The following CAND1 variants were observed in gnomAD, a reference collection of about 807,000 sequenced individuals.
CAND1 encodes the protein cullin-associated NEDD8-dissociated protein 1.
Under a neutral mutation model 108.5 loss-of-function variants are expected in CAND1, and 7 were observed. That is an observed-to-expected ratio of 0.06 (90% CI 0.04 to 0.12). The LOEUF (loss-of-function observed/expected upper bound fraction) is 0.12. Among genes scored for constraint, CAND1 ranks in the 10% least tolerant of loss-of-function variants. The pLI, the probability that CAND1 is intolerant of heterozygous loss-of-function variation, is 1.00. For missense variants in CAND1, 941 were observed against 1,448.7 expected (o/e 0.65, Z 5.69); for synonymous variants, 534 against 512.0 (o/e 1.04, Z -0.58).
Position 67,305,018 on chromosome 12 carries a change from AT to A in CAND1, c.1436-84del. The A allele has an allele frequency of 9.1e-7, 1 of 1,100,324 alleles. No individual in the cohort carries two copies. The highest frequency in any genetic ancestry group is 1.6e-5 in the South Asian group (1 of 62,346). 68.2% of individuals were successfully genotyped at this position (1,100,324 alleles called of 1,614,324 possible). A position where few individuals can be genotyped will look rare whatever the true frequency, so the allele number is the denominator to read the frequency against. On this transcript the variant is annotated intron_variant, in intron 9 of 14. Transcript: ENST00000545606. The surrounding 1 kb of genome is among the most constrained non-coding windows in gnomAD (Gnocchi z 4.4). ...AGAAATAATATAATGAAGTGGGAAC[AT>A]TAGCAGTACTATAGGGGTTGATTTT...
chr12:67,281,447 C>T (rs186995614), intron 1 of CAND1, among the ~76,000 whole-genome samples: 104 of 152,206 alleles, frequency 6.8e-4, no homozygotes, highest in Middle Eastern at 3.4e-3. Flanking sequence ...TGAAAGTGTT[C>T]TTAATGTTTG....
Position 67,319,599 on chromosome 12 carries a change from C to T in CAND1, c.*6769C>T, listed in dbSNP as rs928423421. ...ACGTTGGTGCAGATACTGCTATTCC[C>T]CTCCTCCATACCATTGCTGATGGTT... is the stretch of plus-strand genomic sequence containing the variant. On this transcript the variant is annotated 3_prime_UTR_variant, in exon 15 of 15. Coordinates refer to ENST00000545606, the MANE Select transcript of CAND1 (RefSeq NM_018448.5). 6.6e-6 allele frequency: 1 copy of T among 152,202 alleles called. No homozygotes were observed. Among genetic ancestry groups the T allele is most frequent in the Admixed American group, 6.5e-5 (1 of 15,274 alleles). The allele number at this position is 152,202 out of a possible 1,614,324, so 9.4% of individuals were successfully genotyped here.
intron 11 of CAND1, among the ~76,000 whole-genome samples, 156 bp from the exon 12 acceptor site, chr12:67,309,745 G>A (rs750312301): frequency 1.4e-4 from 21 of 151,940 alleles, no homozygotes; most frequent in Non-Finnish European, 2.5e-4. Flanking sequence ...AAACGTTATG[G>A]TTCACTTAGT....
At chr12:67,304,987 A>G in intron 9 of CAND1, 117 bp from the exon 10 acceptor site, 1 of 951,166 alleles carries the variant, frequency 1.1e-6, no homozygotes, top group South Asian at 1.8e-5. Flanking sequence ...GAAAATTTCT[A>G]CTTATAGAAA....
At position 67,305,434 on chromosome 12, in the gene CAND1, C is replaced by T; in HGVS notation, c.1766C>T (p.Ala589Val). The change falls in exon 10 of 15, where the codon GCT (alanine) becomes GTT (valine). Residue 589 changes from alanine to valine, a missense_variant. Ala to Val is a moderately conservative substitution (Grantham distance 64, BLOSUM62 0). Transcript: ENST00000545606. The surrounding 1 kb of genome is among the most constrained non-coding windows in gnomAD (Gnocchi z 4.4). The part of the protein sequence containing the change: ...ADIDQEVKER[A>V]ISCMGQIICN... ...ATTGATCAGGAAGTCAAGGAAAGGGCTATTTCCTGTATGGGACAAATTATT... is the reference window on the plus strand; with the variant it reads ...ATTGATCAGGAAGTCAAGGAAAGGGTTATTTCCTGTATGGGACAAATTATT... 3 of 1,613,678 alleles carry T rather than the reference C, an allele frequency of 1.9e-6. No homozygotes were observed. Among genetic ancestry groups the T allele is most frequent in the Non-Finnish European group, 2.5e-6 (3 of 1,179,974 alleles).
chr12:67,302,615 G>A lies in CAND1; in HGVS notation c.1293G>A (p.Gln431=). Residue 431 remains glutamine (Q), a splice_region_variant and synonymous_variant, in exon 8 of 15, where the codon CAG becomes CAA. Coordinates refer to ENST00000545606, the MANE Select transcript of CAND1 (RefSeq NM_018448.5). ...CACCTTTAACAATGCTTCAGAGTCA[G>A]GTGGGTTTTAAAGTAAAGTTTAGAA... ...GETPLTMLQS[Q]VPNIVKALHK... 1 of 1,603,094 alleles carries A rather than the reference G, an allele frequency of 6.2e-7. No individual in the cohort carries two copies. The highest frequency in any genetic ancestry group is 1.1e-5 in the South Asian group (1 of 90,654).
chr12:67,300,687 A>G (rs2044816311), intron 7 of CAND1, among the ~76,000 whole-genome samples: 1 of 152,134 alleles, frequency 6.6e-6, no homozygotes, highest in African/African-American at 2.4e-5. Context: ...TCTCCTACCT[A>G]TTAGAATATA....
intron 6 of CAND1, among the ~76,000 whole-genome samples, chr12:67,298,599 G>A (rs930439269): frequency 6.6e-5 from 10 of 152,110 alleles, no homozygotes; most frequent in African/African-American, 1.9e-4. Context: ...ATATGCACTG[G>A]CATTTCCACA....
chr12:67,302,383 C>T lies in CAND1; in HGVS notation c.1061C>T (p.Ala354Val), dbSNP rs747731996. The T allele has an allele frequency of 6.2e-7, 1 of 1,613,994 alleles. No individual in the cohort carries two copies. Among genetic ancestry groups the T allele is most frequent in the Admixed American group, 1.7e-5 (1 of 59,994 alleles). ...DMSWKVRRAA[A>V]KCLDAVVSTR... ...AGTTGGAAAGTGAGACGTGCAGCTGCGAAGTGCTTGGATGCTGTAGTTAGC... is the reference window on the plus strand; with the variant it reads ...AGTTGGAAAGTGAGACGTGCAGCTGTGAAGTGCTTGGATGCTGTAGTTAGC... Residue 354 changes from alanine (A) to valine (V), a missense_variant, in exon 8 of 15, where the codon GCG becomes GTG. By Grantham distance (64) the Ala-to-Val change is moderately conservative. Transcript: ENST00000545606.
At position 67,319,632 on chromosome 12, in the gene CAND1, G is replaced by GT. The variant is rs1219419837; in HGVS notation, c.*6803dup. On this transcript the variant is annotated 3_prime_UTR_variant, in exon 15 of 15. Coordinates refer to ENST00000545606, the MANE Select transcript of CAND1 (RefSeq NM_018448.5). ...ATACCATTGCTGATGGTTACTGAGG[G>GT]TATGGGAAGGGCCGACTAGTCCAGC... The GT allele has an allele frequency of 1.3e-5, 2 of 152,214 alleles. No individual in the cohort carries two copies. Among genetic ancestry groups the GT allele is most frequent in the Non-Finnish European group, 2.9e-5 (2 of 68,040 alleles). 9.4% of individuals were successfully genotyped at this position (152,214 alleles called of 1,614,324 possible).
intron 1 of CAND1, among the ~76,000 whole-genome samples, chr12:67,272,195 G>T (rs1267323702): frequency 6.6e-6 from 1 of 152,196 alleles, no homozygotes; most frequent in Non-Finnish European, 1.5e-5. Context: ...GACGAGAGAA[G>T]AAACAAATGC....
Position 67,314,914 on chromosome 12 carries a change from C to T in CAND1, c.*2084C>T, listed in dbSNP as rs1011677154. The T allele has an allele frequency of 6.6e-6, 1 of 152,194 alleles. No individual in the cohort carries two copies. The highest frequency in any genetic ancestry group is 1.5e-5 in the Non-Finnish European group (1 of 68,042). 9.4% of individuals were successfully genotyped at this position (152,194 alleles called of 1,614,324 possible). A position where few individuals can be genotyped will look rare whatever the true frequency, so the allele number is the denominator to read the frequency against. ...AGTGCTTAGAATTTCAATGCTGTGTCATACTGATGATTAACTCCATACTCC... is the reference window on the plus strand; with the variant it reads ...AGTGCTTAGAATTTCAATGCTGTGTTATACTGATGATTAACTCCATACTCC... On this transcript the variant is annotated 3_prime_UTR_variant, in exon 15 of 15. Coordinates refer to ENST00000545606, the MANE Select transcript of CAND1 (RefSeq NM_018448.5).
chr12:67,281,098 AT>A (rs1217782999), intron 1 of CAND1, among the ~76,000 whole-genome samples: 2 of 150,972 alleles, frequency 1.3e-5, no homozygotes, highest in East Asian at 3.9e-4. Flanking sequence ...ATTATTTTTT[AT>A]AAATTATTTC....
Position 67,304,783 on chromosome 12 carries a change from G to A in CAND1, c.1435+37G>A, listed in dbSNP as rs761439803. Reference sequence around the variant, plus strand: ...ACATAAATCTCTTTTGGGACTTATTGTAGCCTTTTTGTTAGGACTTAGATA... The same window carrying A: ...ACATAAATCTCTTTTGGGACTTATTATAGCCTTTTTGTTAGGACTTAGATA... On this transcript the variant is annotated intron_variant, in intron 9 of 14. Coordinates refer to ENST00000545606, the MANE Select transcript of CAND1 (RefSeq NM_018448.5). 4 of 1,601,144 alleles carry A rather than the reference G, an allele frequency of 2.5e-6. No homozygotes were observed. The African/African-American group carries it at 4.1e-5, about 16-fold the overall frequency.
chr12:67,295,777 G>A (rs1321144881), intron 4 of CAND1, among the ~76,000 whole-genome samples: 1 of 152,022 alleles, frequency 6.6e-6, no homozygotes, highest in Non-Finnish European at 1.5e-5. Flanking sequence ...CCTTCAGGTG[G>A]GTGTGTGGGT....
chr12:67,309,830 A>G lies in CAND1; in HGVS notation c.3026-71A>G, dbSNP rs896169315. 8.5e-6 allele frequency: 9 copies of G among 1,059,340 alleles called. No homozygotes were observed. The African/African-American group carries it at 1.1e-4, about 13-fold the overall frequency. 65.6% of individuals were successfully genotyped at this position (1,059,340 alleles called of 1,614,324 possible). A position where few individuals can be genotyped will look rare whatever the true frequency, so the allele number is the denominator to read the frequency against. On this transcript the variant is annotated intron_variant, in intron 11 of 14. Transcript: ENST00000545606. ...CAGCAAAAATAAATTATATCAACTT[A>G]GAGAAAATATAATGTATATTGTATT...
chr12:67,278,212 C>T (rs1162137015), intron 1 of CAND1, among the ~76,000 whole-genome samples: 4 of 152,198 alleles, frequency 2.6e-5, no homozygotes, highest in African/African-American at 7.2e-5. Flanking sequence ...TCTTGACTCA[C>T]TGCAACCTCC....
chr12:67,311,552 G>T, intron 13 of CAND1, 141 bp from the exon 14 acceptor site: 1 of 212,034 alleles, frequency 4.7e-6, no homozygotes, highest in Non-Finnish European at 8.5e-6. Context: ...AAATCTGTCT[G>T]ATTCTGATTG....
At position 67,310,029 on chromosome 12, in the gene CAND1, C is replaced by G; in HGVS notation, c.3154C>G (p.Leu1052Val). 1 of 1,612,184 alleles carries G rather than the reference C, an allele frequency of 6.2e-7. No individual in the cohort carries two copies. The highest frequency in any genetic ancestry group is 8.5e-7 in the Non-Finnish European group (1 of 1,178,686). Residue 1052 changes from leucine to valine, a missense_variant, in exon 12 of 15, where the codon CTT becomes GTT. Transcript: ENST00000545606. ...RDLLDTVLPH[L>V]YNETKVRKEL... ...TCTATTGGATACTGTTCTTCCACATCTTTACAATGAAACAAAAGTTAGAAA... is the reference window on the plus strand; with the variant it reads ...TCTATTGGATACTGTTCTTCCACATGTTTACAATGAAACAAAAGTTAGAAA...
Sources: gnomAD v4.1 joint callset for allele counts (sites outside exome capture counted in the v4.1 genomes callset) on GRCh38, gnomAD v4.1.1 for gene constraint, Gnocchi (gnomAD v3.1) non-coding constraint, MANE v1.5 for transcripts, NCBI Gene and HGNC (gene_info 2026-07-23, HGNC 2026-07-21) for gene names.